Variants in CYP2C19 observed in about 807,000 individuals in gnomAD.
CYP2C19 encodes cytochrome P450 2C19.
A neutral mutation model predicts 40.9 loss-of-function variants in CYP2C19; 59 were observed. The observed-to-expected ratio is 1.44, with a 90% CI of 1.17 to 1.79. The LOEUF (loss-of-function observed/expected upper bound fraction) is 1.79. Ranked by LOEUF, CYP2C19 falls within the 40% of genes most tolerant of loss-of-function variation. The probability of loss-of-function intolerance (pLI) is 0.00; values close to 1 mark genes in which losing one functional copy is unlikely to be tolerated. For synonymous variants in CYP2C19, 253 were observed against 208.7 expected (o/e 1.21, Z -1.83); for missense variants, 754 against 596.9 (o/e 1.26, Z -2.74).
intron 1 of CYP2C19, chr10:94,774,245 A>G (rs1848374279): frequency 6.6e-6 from 1 of 152,164 alleles, no homozygotes; most frequent in East Asian, 1.9e-4. Context: ...GGGCAGTTGC[A>G]CCGGTAAAAC....
intron 7 of CYP2C19, among the ~76,000 whole-genome samples, chr10:94,848,032 A>G (rs1025709932): frequency 3.9e-5 from 6 of 152,144 alleles, no homozygotes; most frequent in Non-Finnish European, 7.4e-5. Context: ...TAGGTTGCCT[A>G]TTCACTCTGA....
intron 7 of CYP2C19, among the ~76,000 whole-genome samples, chr10:94,846,091 T>C (rs1050068430): frequency 2.0e-5 from 3 of 152,134 alleles, no homozygotes; most frequent in African/African-American, 7.2e-5. Flanking sequence ...ATTTCCCAAT[T>C]CTTAAGGAAC....
intron 6 of CYP2C19, among the ~76,000 whole-genome samples, chr10:94,829,731 C>T (rs1275608339): frequency 6.6e-6 from 1 of 151,828 alleles, no homozygotes; most frequent in Non-Finnish European, 1.5e-5. Context: ...GAGAGGCGCT[C>T]TGCTTTTTAG....
At chr10:94,772,806 G>T (rs902265006) in intron 1 of CYP2C19, among the ~76,000 whole-genome samples, 3 of 152,068 alleles carry the variant, frequency 2.0e-5, no homozygotes, top group South Asian at 2.1e-4. Context: ...ACGGAGTCTC[G>T]CTCTGTCGCC....
At chr10:94,775,276 A>G in intron 2 of CYP2C19, 56 bp downstream of exon 2, 2 of 1,613,154 alleles carry the variant, frequency 1.2e-6, no homozygotes, top group South Asian at 2.2e-5. Flanking sequence ...AGGATGGAAA[A>G]CAGACTAGCA....
chr10:94,842,127 C>G (rs948741848), intron 6 of CYP2C19, among the ~76,000 whole-genome samples: 4 of 152,136 alleles, frequency 2.6e-5, no homozygotes, highest in Non-Finnish European at 1.5e-5. Flanking sequence ...GGGCCTATCT[C>G]TCTCTAGTTC....
rs1359331725 is a variant in CYP2C19 at position 94,849,981 on chromosome 10, A to T, written c.1214A>T (p.Glu405Val). 1.9e-6 allele frequency: 3 copies of T among 1,613,728 alleles called. No individual in the cohort carries two copies. Among genetic ancestry groups the T allele is most frequent in the African/African-American group, 2.7e-5 (2 of 74,996 alleles). The change falls in exon 8 of 9, where the codon GAG (glutamate) becomes GTG (valine). Residue 405 changes from glutamate to valine, a missense_variant. By Grantham distance (121) the Glu-to-Val change is moderately radical (BLOSUM62 -2). Coordinates refer to ENST00000371321, the MANE Select transcript of CYP2C19 (RefSeq NM_000769.4). ...LHDNKEFPNP[E>V]MFDPRHFLDE... ...GACAACAAAGAATTTCCCAACCCAG[A>T]GATGTTTGACCCTCGTCACTTTCTG...
At chr10:94,784,069 C>T (rs530961624) in intron 5 of CYP2C19, among the ~76,000 whole-genome samples, 17 of 152,238 alleles carry the variant, frequency 1.1e-4, no homozygotes, top group African/African-American at 3.8e-4. Flanking sequence ...ACTCCATTCC[C>T]CCACTCCATC....
At chr10:94,791,172 T>TAAA (rs1848600672) in intron 5 of CYP2C19, among the ~76,000 whole-genome samples, 1 of 152,174 alleles carries the variant, frequency 6.6e-6, no homozygotes, top group African/African-American at 2.4e-5. Context: ...TTTATAGTAA[T>TAAA]CTCTGATGGT....
At chr10:94,848,452 C>T (rs1410728082) in intron 7 of CYP2C19, among the ~76,000 whole-genome samples, 2 of 152,122 alleles carry the variant, frequency 1.3e-5, no homozygotes, top group Non-Finnish European at 1.5e-5. Context: ...TGTTTTGGTA[C>T]CAGTACCATG....
At chr10:94,794,348 A>G (rs1180557640) in intron 5 of CYP2C19, among the ~76,000 whole-genome samples, 2 of 151,892 alleles carry the variant, frequency 1.3e-5, no homozygotes, top group Non-Finnish European at 2.9e-5. Flanking sequence ...CTCACACTCC[A>G]TGGGCTGTAC....
intron 2 of CYP2C19, 21 bp from the exon 3 acceptor site, chr10:94,775,369 T>A: frequency 6.2e-7 from 1 of 1,613,392 alleles, no homozygotes; most frequent in Non-Finnish European, 8.5e-7. Context: ...TCCCTCCTAG[T>A]TTCGTTTCTC....
intron 6 of CYP2C19, among the ~76,000 whole-genome samples, chr10:94,823,564 T>C (rs1000273235): frequency 6.6e-6 from 1 of 152,116 alleles, no homozygotes; most frequent in Non-Finnish European, 1.5e-5. Context: ...ACAGAGTGAA[T>C]GAAATGAAAA....
intron 7 of CYP2C19, among the ~76,000 whole-genome samples, chr10:94,847,485 T>C (rs1002525392): frequency 1.3e-5 from 2 of 152,158 alleles, no homozygotes; most frequent in South Asian, 2.1e-4. Flanking sequence ...CATTGTTGGA[T>C]ATTTGGGTTG....
chr10:94,852,775 T>C lies in CYP2C19; in HGVS notation c.1334T>C (p.Leu445Pro), dbSNP rs779778313. The C allele has an allele frequency of 6.2e-7, 1 of 1,614,112 alleles. No homozygotes were observed. The highest frequency in any genetic ancestry group is 1.1e-5 in the South Asian group (1 of 91,082). The change falls in exon 9 of 9, where the codon CTG becomes CCG. Residue 445 changes from leucine to proline, a missense_variant. Coordinates refer to ENST00000371321, the MANE Select transcript of CYP2C19 (RefSeq NM_000769.4). ...GGAGAGGGCCTGGCCCGCATGGAGC[T>C]GTTTTTATTCCTGACCTTCATTTTA... The part of the protein sequence containing the change: ...CVGEGLARME[L>P]FLFLTFILQN...
chr10:94,842,799 C>A, intron 6 of CYP2C19, 38 bp from the exon 7 acceptor site: 1 of 1,605,068 alleles, frequency 6.2e-7, no homozygotes, highest in Non-Finnish European at 8.5e-7. Context: ...TGTTCCATTT[C>A]TCTCCTTTTC....
At position 94,775,992 on chromosome 10, in the gene CYP2C19, G is replaced by C. The variant is rs953567084; in HGVS notation, c.481+453G>C. ...GCTTTTATTTAATTGGACTATGTTT[G>C]TATGGTCAGCCTCACTGACTTGTCT... On this transcript the variant is annotated intron_variant, in intron 3 of 8. Transcript: ENST00000371321. 3.6e-5 allele frequency: 7 copies of C among 191,920 alleles called. No homozygotes were observed. The Admixed American group carries it at 3.7e-4, about 10-fold the overall frequency. 11.9% of individuals were successfully genotyped at this position (191,920 alleles called of 1,614,324 possible). A position where few individuals can be genotyped will look rare whatever the true frequency, so the allele number is the denominator to read the frequency against.
At chr10:94,823,058 A>T (rs1849154491) in intron 6 of CYP2C19, among the ~76,000 whole-genome samples, 1 of 152,176 alleles carries the variant, frequency 6.6e-6, no homozygotes, top group Non-Finnish European at 1.5e-5. Context: ...CAGAGAGCAA[A>T]TGGAGGAATA....
intron 4 of CYP2C19, among the ~76,000 whole-genome samples, chr10:94,781,172 T>C (rs1848474601): frequency 1.3e-5 from 2 of 152,210 alleles, no homozygotes; most frequent in Admixed American, 1.3e-4. Flanking sequence ...TTCTAGCTGA[T>C]GAGACAGCTG....
Sources: allele counts gnomAD v4.1 joint callset (sites outside exome capture counted in the v4.1 genomes callset), GRCh38; gene constraint gnomAD v4.1.1; transcripts MANE v1.5; gene names NCBI Gene and HGNC (gene_info 2026-07-23, HGNC 2026-07-21).